The following PDZD9 variants were observed in gnomAD, a reference collection of about 807,000 sequenced individuals.
PDZD9 encodes PDZ domain containing 9, also known as PDZ domain-containing protein 9.
PDZD9 carries 13 observed loss-of-function variants against 16.3 expected under a neutral mutation model. That is an observed-to-expected ratio of 0.80 (90% CI 0.52 to 1.27). The LOEUF is 1.27. Among genes scored for constraint, PDZD9 ranks in the 50% most tolerant of loss-of-function variants. The probability of loss-of-function intolerance (pLI) is 0.00; values close to 1 mark genes in which losing one functional copy is unlikely to be tolerated. For synonymous variants in PDZD9, 120 were observed against 111.0 expected (o/e 1.08, Z -0.51); for missense variants, 288 against 310.9 (o/e 0.93, Z 0.55).
the PDZD9 span, among the ~76,000 whole-genome samples, chr16:21,969,874 G>GT: frequency 8.6e-3 from 1,228 of 143,558 alleles, 6 homozygotes; most frequent in Middle Eastern, 0.021. Context: ...CTTTGTTTTT[G>GT]TTTTTTTTTT....
intron 3 of PDZD9, 67 bp downstream of exon 3, chr16:21,988,535 C>T: frequency 7.8e-7 from 1 of 1,279,336 alleles, no homozygotes; most frequent in South Asian, 1.4e-5. Context: ...TCACATTAAA[C>T]CATCTATGCC....
the PDZD9 span, among the ~76,000 whole-genome samples, chr16:21,978,413 A>C: frequency 6.6e-6 from 1 of 152,212 alleles, no homozygotes; most frequent in Non-Finnish European, 1.5e-5. Context: ...ATAAGTAATA[A>C]GTTTCTGGGA....
the PDZD9 span, chr16:21,971,737 G>T: frequency 1.5e-6 from 2 of 1,321,358 alleles, no homozygotes; most frequent in African/African-American, 1.5e-5. Flanking sequence ...GCATAGAATT[G>T]GATGGCTTGG....
At chr16:21,968,519 C>T in the PDZD9 span, 1 of 922,272 alleles carries the variant, frequency 1.1e-6, no homozygotes, top group African/African-American at 1.7e-5. Context: ...ATTACAGCAA[C>T]TTATAAGGCC....
At chr16:21,997,124 A>G (rs941301805) in intron 1 of PDZD9, among the ~76,000 whole-genome samples, 1 of 152,208 alleles carries the variant, frequency 6.6e-6, no homozygotes, top group African/African-American at 2.4e-5. Context: ...TGCCTGGCCC[A>G]CATGTGTTTC....
chr16:21,972,192 A>G, the PDZD9 span: 2 of 1,503,116 alleles, frequency 1.3e-6, no homozygotes, highest in Admixed American at 4.0e-5. Flanking sequence ...AATTCTGATA[A>G]TCTACTCTTA....
chr16:21,997,768 C>G (rs377661645), intron 1 of PDZD9, among the ~76,000 whole-genome samples: 2 of 152,352 alleles, frequency 1.3e-5, no homozygotes, highest in South Asian at 2.1e-4. Flanking sequence ...TGCTAGGAAA[C>G]TCCTTTTCGG....
chr16:21,967,715 T>C, the PDZD9 span, among the ~76,000 whole-genome samples: 10 of 152,112 alleles, frequency 6.6e-5, no homozygotes, highest in Non-Finnish European at 1.2e-4. Context: ...ACAGTGACCG[T>C]TTTTGTTTTT....
chr16:21,962,959 A>C, the PDZD9 span: 33 of 1,506,572 alleles, frequency 2.2e-5, 2 homozygotes, highest in South Asian at 3.2e-4. Flanking sequence ...AGAAGAAAAA[A>C]AATTGCTGTC....
At chr16:21,973,435 A>T in the PDZD9 span, among the ~76,000 whole-genome samples, 5 of 152,320 alleles carry the variant, frequency 3.3e-5, no homozygotes, top group Middle Eastern at 3.4e-3. Context: ...GATAGCTTGG[A>T]CATCTGGATA....
rs1239105652 is a variant in PDZD9 at position 21,988,658 on chromosome 16, A to G, written c.345T>C (p.Pro115=). ...AATCATATATTTCTTGCCATTCTTCAGGAATGTTAATAAAATCTCGGTAAA... is the reference window on the plus strand; with the variant it reads ...AATCATATATTTCTTGCCATTCTTCGGGAATGTTAATAAAATCTCGGTAAA... ...IKVYRDFINI[P]EEWQEIYDLI... is the part of the protein sequence containing the mutation. Residue 115 remains proline (P), a synonymous_variant, in exon 3 of 4, where the codon CCT becomes CCC. Transcript: ENST00000424898. 1 of 1,613,516 alleles carries G rather than the reference A, an allele frequency of 6.2e-7. No homozygotes were observed. The highest frequency in any genetic ancestry group is 1.1e-5 in the South Asian group (1 of 91,018).
chr16:21,960,975 C>T, the PDZD9 span, among the ~76,000 whole-genome samples: 2 of 152,104 alleles, frequency 1.3e-5, no homozygotes, highest in African/African-American at 2.4e-5. Context: ...GGACTATAGG[C>T]ACATGACTCC....
chr16:21,958,540 A>C, the PDZD9 span: 2 of 1,612,244 alleles, frequency 1.2e-6, no homozygotes. Context: ...TCAAGACGAC[A>C]AAAGGAGCTT....
the PDZD9 span, chr16:21,962,563 A>C: frequency 2.1e-3 from 3,373 of 1,612,564 alleles, 9 homozygotes; most frequent in Non-Finnish European, 2.7e-3. Context: ...AAGAAATACT[A>C]AGCTGCTCAC....
the PDZD9 span, among the ~76,000 whole-genome samples, chr16:21,961,721 G>C: frequency 7.1e-6 from 1 of 140,320 alleles, no homozygotes; most frequent in African/African-American, 2.6e-5. Context: ...GCATGATCTT[G>C]GCTCACTGTA....
chr16:21,968,476 G>A, the PDZD9 span: 9 of 514,454 alleles, frequency 1.7e-5, no homozygotes, highest in East Asian at 2.7e-4. Context: ...TAAAATCCCA[G>A]GGTAATTCAC....
chr16:21,958,915 A>G, the PDZD9 span, among the ~76,000 whole-genome samples: 1 of 152,242 alleles, frequency 6.6e-6, no homozygotes, highest in Non-Finnish European at 1.5e-5. Flanking sequence ...CAGTGCATAT[A>G]AAAGTTATGT....
chr16:21,965,922 A>C, the PDZD9 span, among the ~76,000 whole-genome samples: 4 of 152,116 alleles, frequency 2.6e-5, no homozygotes, highest in Non-Finnish European at 5.9e-5. Context: ...AAGCTCAAGC[A>C]GTCCTTCTGC....
At chr16:21,962,356 A>T in the PDZD9 span, 1 of 1,382,020 alleles carries the variant, frequency 7.2e-7, no homozygotes, top group Non-Finnish European at 1.0e-6. Flanking sequence ...CACCTTTTAT[A>T]CTTCAGAAAT....
Sources: gnomAD v4.1 joint callset for allele counts (sites outside exome capture counted in the v4.1 genomes callset) on GRCh38, gnomAD v4.1.1 for gene constraint, MANE v1.5 for transcripts, NCBI Gene and HGNC (gene_info 2026-07-23, HGNC 2026-07-21) for gene names.